Variants in PTPN4 observed in about 807,000 individuals in gnomAD.
PTPN4 encodes the protein tyrosine-protein phosphatase non-receptor type 4.
In PTPN4, 49 loss-of-function variants were observed where a neutral mutation model predicts 135.5. That is an observed-to-expected ratio of 0.36 (90% confidence interval 0.29 to 0.46). PTPN4 has a LOEUF of 0.46. Ranked by LOEUF, PTPN4 falls within the 20% of genes least tolerant of loss-of-function variation. PTPN4 has a pLI of 1.00. For missense variants in PTPN4, 860 were observed against 1,101.0 expected, an observed-to-expected ratio of 0.78 and a Z score of 3.10; for synonymous variants, 333 against 369.9, an observed-to-expected ratio of 0.90 and a Z score of 1.14.
At chr2:119,845,674 G>A (rs533934689) in intron 2 of PTPN4, among the ~76,000 whole-genome samples, 27 of 151,760 alleles carry the variant, frequency 1.8e-4, no homozygotes, top group African/African-American at 2.9e-4. Context: ...ACTAACTTTC[G>A]GTTCTGTTGA....
chr2:119,890,061 GTTTC>G (rs1678219112), intron 9 of PTPN4, among the ~76,000 whole-genome samples: 1 of 152,062 alleles, frequency 6.6e-6, no homozygotes, highest in Non-Finnish European at 1.5e-5. Context: ...TAAGTCCAAT[GTTTC>G]TTTATTTTTT....
intron 10 of PTPN4, among the ~76,000 whole-genome samples, chr2:119,906,851 A>G (rs977437326): frequency 6.6e-6 from 1 of 152,238 alleles, no homozygotes; most frequent in South Asian, 2.1e-4. Flanking sequence ...AAGGCCATCC[A>G]TATAGGAAAA....
intron 2 of PTPN4, among the ~76,000 whole-genome samples, chr2:119,844,651 G>A (rs1328322321): frequency 6.6e-6 from 1 of 151,558 alleles, no homozygotes; most frequent in African/African-American, 2.4e-5. Flanking sequence ...CATCTCAGAG[G>A]ATGGGCGGCC....
chr2:119,898,337 C>G (rs781517531), intron 9 of PTPN4, among the ~76,000 whole-genome samples: 15 of 152,128 alleles, frequency 9.9e-5, no homozygotes, highest in African/African-American at 7.2e-5. Flanking sequence ...ACATTTTTAA[C>G]ACGGAATTGT....
At chr2:119,876,479 T>C (rs974104429) in intron 3 of PTPN4, among the ~76,000 whole-genome samples, 4 of 152,178 alleles carry the variant, frequency 2.6e-5, no homozygotes, top group Non-Finnish European at 5.9e-5. Flanking sequence ...TTATTTATTA[T>C]TAAAAATCTA....
rs533117870 is a variant in PTPN4 at position 119,944,969 on chromosome 2, A to G, written c.1356-112A>G. The G allele has an allele frequency of 7.7e-5, 70 of 906,762 alleles. No individual in the cohort carries two copies. The African/African-American group carries it at 1.2e-3, about 15-fold the overall frequency. 56.2% of individuals were successfully genotyped at this position (906,762 alleles called of 1,614,324 possible). A position where few individuals can be genotyped will look rare whatever the true frequency, so the allele number is the denominator to read the frequency against. On this transcript the variant is annotated intron_variant, in intron 15 of 26. Coordinates refer to ENST00000263708, the MANE Select transcript of PTPN4 (RefSeq NM_002830.4). ...TCATTAAAAAGTGGCACTTCCAAAT[A>G]AATATGGTATTTAGAGCCTGTCTCC...
At chr2:119,912,944 TG>T (rs1352105921) in intron 10 of PTPN4, among the ~76,000 whole-genome samples, 16 of 152,350 alleles carry the variant, frequency 1.1e-4, no homozygotes, top group African/African-American at 3.8e-4. Flanking sequence ...TCTATAGATA[TG>T]CCTATTCTAT....
At chr2:119,787,423 C>A (rs1222040671) in intron 1 of PTPN4, among the ~76,000 whole-genome samples, 1 of 152,144 alleles carries the variant, frequency 6.6e-6, no homozygotes, top group East Asian at 1.9e-4. Flanking sequence ...TATTAATATT[C>A]AAGATCTATA....
At chr2:119,932,611 G>A (rs760424016) in intron 14 of PTPN4, 62 bp downstream of exon 14, 15 of 1,482,594 alleles carry the variant, frequency 1.0e-5, no homozygotes, top group Non-Finnish European at 1.4e-5. Context: ...ATTATTGGCT[G>A]TATATTTTTA....
chr2:119,870,568 G>C (rs1046557013), intron 3 of PTPN4, among the ~76,000 whole-genome samples: 3 of 152,054 alleles, frequency 2.0e-5, no homozygotes, highest in African/African-American at 7.2e-5. Context: ...CGTCCTAACA[G>C]GTATAAAAAT....
Position 119,879,092 on chromosome 2 carries a change from GA to G in PTPN4, c.368+1564del, listed in dbSNP as rs11433216. On this transcript the variant is annotated intron_variant, in intron 5 of 26. Coordinates refer to ENST00000263708, the MANE Select transcript of PTPN4 (RefSeq NM_002830.4). ...TGGGCGACAGAGTGAGACTCCGTCTGAAAAAAAAAAAAAACAAAAATGAAAA... is the reference window on the plus strand; with the variant it reads ...TGGGCGACAGAGTGAGACTCCGTCTGAAAAAAAAAAAAACAAAAATGAAAA... 3.6e-3 allele frequency among the ~76,000 whole-genome samples: 433 copies of G among 119,652 alleles called. 1 individual carries two copies. The highest frequency in any genetic ancestry group is 0.012 in the African/African-American group (379 of 32,722). 78.5% of individuals were successfully genotyped at this position (119,652 alleles called of 152,430 possible).
At chr2:119,860,241 G>A (rs78359409) in intron 2 of PTPN4, among the ~76,000 whole-genome samples, 4,075 of 152,272 alleles carry the variant, frequency 0.027, 78 homozygotes, top group Non-Finnish European at 0.041. Context: ...ATTTGCAGGC[G>A]ATTTAAATGG....
At chr2:119,767,093 C>T (rs1276200405) in intron 1 of PTPN4, among the ~76,000 whole-genome samples, 2 of 152,198 alleles carry the variant, frequency 1.3e-5, no homozygotes, top group African/African-American at 4.8e-5. Context: ...ATTGTACTAG[C>T]TATGTACCGT....
chr2:119,936,897 A>C (rs750596705), intron 15 of PTPN4, among the ~76,000 whole-genome samples: 1 of 152,202 alleles, frequency 6.6e-6, no homozygotes, highest in Non-Finnish European at 1.5e-5. Flanking sequence ...ATATTACTGC[A>C]TTTGACATTC....
At chr2:119,914,319 C>T (rs1287996608) in intron 10 of PTPN4, among the ~76,000 whole-genome samples, 1 of 120,834 alleles carries the variant, frequency 8.3e-6, no homozygotes, top group East Asian at 2.6e-4. Flanking sequence ...GAATATTTTT[C>T]CCATGTCGAG....
At chr2:119,809,727 T>A in intron 1 of PTPN4, 110 bp from the exon 2 acceptor site, 1 of 954,748 alleles carries the variant, frequency 1.0e-6, no homozygotes. Flanking sequence ...AATTTATAAC[T>A]GTTTTCCACC....
At chr2:119,848,220 C>G (rs1317574750) in intron 2 of PTPN4, among the ~76,000 whole-genome samples, 1 of 150,124 alleles carries the variant, frequency 6.7e-6, no homozygotes, top group Non-Finnish European at 1.5e-5. Flanking sequence ...GTCACCCAGG[C>G]TGGAGTGCAG....
chr2:119,956,509 G>C (rs984487771), intron 20 of PTPN4, among the ~76,000 whole-genome samples: 6 of 152,062 alleles, frequency 3.9e-5, no homozygotes, highest in Non-Finnish European at 7.4e-5. Context: ...AAAGTTCTTA[G>C]TTCATAGACT....
At chr2:119,783,080 T>C (rs1001108726) in intron 1 of PTPN4, among the ~76,000 whole-genome samples, 2 of 152,068 alleles carry the variant, frequency 1.3e-5, no homozygotes, top group Non-Finnish European at 2.9e-5. Flanking sequence ...TAATGATTGG[T>C]TGAAATGGGT....
Sources: allele counts gnomAD v4.1 joint callset (sites outside exome capture counted in the v4.1 genomes callset), GRCh38; gene constraint gnomAD v4.1.1; transcripts MANE v1.5; gene names NCBI Gene and HGNC (gene_info 2026-07-23, HGNC 2026-07-21).